The following ARID2 variants were observed in gnomAD, a reference collection of about 807,000 sequenced individuals.
The protein encoded by ARID2 is AT-rich interactive domain-containing protein 2.
ARID2 carries 32 observed loss-of-function variants against 184.6 expected under a neutral mutation model. The observed-to-expected ratio is 0.17, with a 90% CI of 0.13 to 0.23. The LOEUF is 0.23. Among genes scored for constraint, ARID2 ranks in the 10% least tolerant of loss-of-function variants. The pLI, the probability that ARID2 is intolerant of heterozygous loss-of-function variation, is 1.00. For missense variants in ARID2, 1,696 were observed against 2,197.6 expected (o/e 0.77, Z 4.56); for synonymous variants, 836 against 772.6 (o/e 1.08, Z -1.36).
At chr12:45,855,567 A>G (rs994941625) in intron 15 of ARID2, among the ~76,000 whole-genome samples, 9 of 152,238 alleles carry the variant, frequency 5.9e-5, no homozygotes, top group African/African-American at 2.2e-4. Context: ...TGAAGTACCT[A>G]TTGGGGCTAA....
rs369680793 is a variant in ARID2, at chr12:45,814,890, G to A, written c.419-2780G>A. Among the ~76,000 whole-genome samples the A allele has an allele frequency of 1.7e-3, 252 of 152,260 alleles. 2 individuals are homozygous for A. In the South Asian group the frequency reaches 0.026, roughly 16 times the overall value. On this transcript the variant is annotated intron_variant, in intron 4 of 20. Coordinates refer to ENST00000334344, the MANE Select transcript of ARID2 (RefSeq NM_152641.4). ...TTGCTGTTAATGTATGCAGTCTCCT[G>A]TCAAATGAAAGCAAGCACATCATGC...
At chr12:45,745,241 A>G (rs1010324914) in intron 3 of ARID2, among the ~76,000 whole-genome samples, 2 of 152,250 alleles carry the variant, frequency 1.3e-5, no homozygotes, top group African/African-American at 4.8e-5. Context: ...GTAGTTAGCT[A>G]TAATTGGATA....
At chr12:45,888,825 T>C (rs2138227598) in intron 16 of ARID2, among the ~76,000 whole-genome samples, 1 of 152,326 alleles carries the variant, frequency 6.6e-6, no homozygotes, top group South Asian at 2.1e-4. Flanking sequence ...GTGCCATATG[T>C]GGTATATTTA....
intron 6 of ARID2, among the ~76,000 whole-genome samples, chr12:45,826,680 G>T (rs1592100902): frequency 6.6e-6 from 1 of 151,856 alleles, no homozygotes; most frequent in South Asian, 2.1e-4. Context: ...CGGCCTCCCA[G>T]AGTGCTGGGA....
intron 11 of ARID2, chr12:45,840,246 G>C (rs1415336117): frequency 6.6e-6 from 1 of 151,938 alleles, no homozygotes; most frequent in Non-Finnish European, 1.5e-5. Context: ...ACCTCCTGCT[G>C]TCCCCAAGAC....
At chr12:45,865,542 G>A (rs994506745) in intron 16 of ARID2, among the ~76,000 whole-genome samples, 18 of 151,962 alleles carry the variant, frequency 1.2e-4, no homozygotes, top group East Asian at 7.7e-4. Context: ...AAATTTATTA[G>A]GTTTTTCATT....
chr12:45,856,067 CT>C (rs930473740), intron 15 of ARID2, among the ~76,000 whole-genome samples: 342 of 74,590 alleles, frequency 4.6e-3, no homozygotes, highest in African/African-American at 0.015. Context: ...TTCTTCTTTT[CT>C]TTTTTTTTTT....
At chr12:45,775,050 A>G (rs895130388) in intron 3 of ARID2, among the ~76,000 whole-genome samples, 7 of 152,222 alleles carry the variant, frequency 4.6e-5, no homozygotes, top group Non-Finnish European at 8.8e-5. Context: ...TCCCCCCATA[A>G]AGAAGAATTA....
At chr12:45,798,870 T>TA (rs982996084) in intron 3 of ARID2, among the ~76,000 whole-genome samples, 1 of 151,944 alleles carries the variant, frequency 6.6e-6, no homozygotes, top group Non-Finnish European at 1.5e-5. Context: ...CAGAAACTCT[T>TA]AGTGTTTTCC....
intron 6 of ARID2, among the ~76,000 whole-genome samples, chr12:45,830,561 G>A (rs1943098411): frequency 6.6e-6 from 1 of 152,010 alleles, no homozygotes; most frequent in Non-Finnish European, 1.5e-5. Flanking sequence ...TTCATAAACT[G>A]ACCCAGGGTC....
At chr12:45,902,785 C>T (rs889014274) in intron 20 of ARID2, among the ~76,000 whole-genome samples, 2 of 151,992 alleles carry the variant, frequency 1.3e-5, no homozygotes, top group African/African-American at 2.4e-5. Flanking sequence ...CCTCGTGATC[C>T]GCCTGCCTCA....
At chr12:45,873,634 C>T (rs1157247166) in intron 16 of ARID2, among the ~76,000 whole-genome samples, 1 of 152,142 alleles carries the variant, frequency 6.6e-6, no homozygotes, top group Admixed American at 6.5e-5. Flanking sequence ...AGGCAAATAT[C>T]ACAATAAAGC....
intron 3 of ARID2, among the ~76,000 whole-genome samples, chr12:45,760,142 C>A (rs546657446): frequency 6.6e-6 from 1 of 151,994 alleles, no homozygotes; most frequent in Non-Finnish European, 1.5e-5. Flanking sequence ...AGCTTAATTT[C>A]CAGATATAAT....
chr12:45,902,263 A>C (rs1944469771), intron 20 of ARID2, among the ~76,000 whole-genome samples: 1 of 152,192 alleles, frequency 6.6e-6, no homozygotes, highest in South Asian at 2.1e-4. Context: ...GTGAGTGCTT[A>C]ATTTTTTAAA....
At chr12:45,899,756 T>A (rs1565645026) in intron 20 of ARID2, among the ~76,000 whole-genome samples, 1 of 142,040 alleles carries the variant, frequency 7.0e-6, no homozygotes, top group African/African-American at 2.5e-5. Flanking sequence ...TATATATATA[T>A]AACCAAATAG....
intron 12 of ARID2, among the ~76,000 whole-genome samples, chr12:45,847,790 C>T (rs749221907): frequency 3.3e-5 from 5 of 152,028 alleles, no homozygotes; most frequent in Non-Finnish European, 5.9e-5. Flanking sequence ...TTGCTTAAAT[C>T]GGGTTTATGG....
intron 6 of ARID2, among the ~76,000 whole-genome samples, chr12:45,831,316 C>A (rs1411710852): frequency 6.6e-6 from 1 of 152,040 alleles, no homozygotes; most frequent in Non-Finnish European, 1.5e-5. Context: ...ATATGTCATG[C>A]GTTCATTACA....
At chr12:45,784,167 T>C (rs922760489) in intron 3 of ARID2, among the ~76,000 whole-genome samples, 1 of 151,984 alleles carries the variant, frequency 6.6e-6, no homozygotes, top group African/African-American at 2.4e-5. Flanking sequence ...TTTGTTTGTT[T>C]TATTTTTATT....
Position 45,729,899 on chromosome 12 carries a change from C to A in ARID2, c.63C>A (p.Asp21Glu). 7 of 1,610,790 alleles carry A rather than the reference C, an allele frequency of 4.3e-6. No homozygotes were observed. Among genetic ancestry groups the A allele is most frequent in the Non-Finnish European group, 5.1e-6 (6 of 1,178,768 alleles). The change falls in exon 1 of 21, where the codon GAC becomes GAA. Residue 21 changes from aspartate to glutamate, a missense_variant. Around this residue, in one of 11 missense-constraint regions of ARID2, gnomAD observed 54 missense variants for 59.9 expected, o/e 0.90. Transcript: ENST00000334344. ...GGAGAAAGGGACTCGCTTTCCTGGACGAGCTGCGGCAGTTCCACCACAGCA... is the reference window on the plus strand; with the variant it reads ...GGAGAAAGGGACTCGCTTTCCTGGAAGAGCTGCGGCAGTTCCACCACAGCA... ...DERRKGLAFL[D>E]ELRQFHHSRG... is the part of the protein sequence containing the mutation.
Sources: gnomAD v4.1 joint callset for allele counts (sites outside exome capture counted in the v4.1 genomes callset) on GRCh38, gnomAD v4.1.1 for gene constraint, gnomAD v4.1.1 regional missense constraint, MANE v1.5 for transcripts, NCBI Gene and HGNC (gene_info 2026-07-23, HGNC 2026-07-21) for gene names.